DIS3L2: variants seen among roughly 807,000 people sequenced by gnomAD.
DIS3L2 encodes the protein DIS3 like 3'-5' exoribonuclease 2.
DIS3L2 carries 34 observed loss-of-function variants against 97.5 expected under a neutral mutation model. That is an observed-to-expected ratio of 0.35 (90% CI 0.27 to 0.46). The LOEUF (loss-of-function observed/expected upper bound fraction) is 0.46, where lower values mean the gene tolerates loss of function less well. DIS3L2 is among the 20% of genes least tolerant of loss of function. DIS3L2 has a pLI of 1.00. For synonymous variants in DIS3L2, 435 were observed against 445.2 expected, an observed-to-expected ratio of 0.98 and a Z score of 0.29; for missense variants, 1,038 against 1,146.0, an observed-to-expected ratio of 0.91 and a Z score of 1.36.
At chr2:232,196,494 T>C (rs1396412351) in intron 9 of DIS3L2, among the ~76,000 whole-genome samples, 1 of 152,144 alleles carries the variant, frequency 6.6e-6, no homozygotes, top group Non-Finnish European at 1.5e-5. Flanking sequence ...ATAAAAAACA[T>C]TCATTTTGAG....
At chr2:232,104,983 A>G (rs998490325) in intron 6 of DIS3L2, among the ~76,000 whole-genome samples, 1 of 151,940 alleles carries the variant, frequency 6.6e-6, no homozygotes, top group African/African-American at 2.4e-5. Flanking sequence ...ACACCCAGCT[A>G]ATTTTTGTAT....
At chr2:231,978,586 GATTTCCT>G (rs1307513871) in intron 1 of DIS3L2, 5 of 152,216 alleles carry the variant, frequency 3.3e-5, no homozygotes, top group Non-Finnish European at 5.9e-5. Flanking sequence ...AAAAGAGAAT[GATTTCCT>G]AGTGGATAAA....
At position 231,962,274 on chromosome 2, in the gene DIS3L2, GTT is replaced by G. The variant is rs35388218; in HGVS notation, c.-94+519_-94+520del. On this transcript the variant is annotated intron_variant, in intron 1 of 20. Transcript: ENST00000325385. ...TTATCTCCTTTATTGATCATAGAGA[GTT>G]TTTTTTTTTAATAAACTTTTAGATA... is the stretch of plus-strand genomic sequence containing the variant. 3.4e-3 allele frequency among the ~76,000 whole-genome samples: 507 copies of G among 148,836 alleles called. 2 individuals carry two copies. The highest frequency in any genetic ancestry group is 5.4e-3 in the Non-Finnish European group (365 of 67,110).
chr2:232,094,908 C>A (rs1280192307), intron 6 of DIS3L2, among the ~76,000 whole-genome samples: 1 of 151,820 alleles, frequency 6.6e-6, no homozygotes, highest in Admixed American at 6.6e-5. Context: ...ATATAGTGAT[C>A]TTCTTTTTCT....
intron 8 of DIS3L2, among the ~76,000 whole-genome samples, chr2:232,155,809 T>G (rs541459800): frequency 6.6e-6 from 1 of 152,068 alleles, no homozygotes; most frequent in South Asian, 2.1e-4. Flanking sequence ...GCTAACATGG[T>G]GAAACCCCGT....
chr2:232,290,693 C>A (rs1202164646), intron 13 of DIS3L2, among the ~76,000 whole-genome samples: 2 of 152,190 alleles, frequency 1.3e-5, no homozygotes, highest in African/African-American at 4.8e-5. Context: ...GAGAACAGAG[C>A]AAGCCTCTGG....
chr2:232,028,189 C>T (rs997221681), intron 4 of DIS3L2, among the ~76,000 whole-genome samples: 1 of 152,126 alleles, frequency 6.6e-6, no homozygotes, highest in Non-Finnish European at 1.5e-5. Context: ...CCTCCCAATT[C>T]CATTATTTTT....
rs1351261587 is a variant in DIS3L2, at chr2:232,262,614, G to GC, written c.1426-588dup. ...TGAACATTTTATAATATACAGTTCAGCCCCCTGGCCAACAAGGAATTATTC... is the reference window on the plus strand; with the variant it reads ...TGAACATTTTATAATATACAGTTCAGCCCCCCTGGCCAACAAGGAATTATTC... On this transcript the variant is annotated intron_variant, in intron 12 of 20. Coordinates refer to ENST00000325385, the MANE Select transcript of DIS3L2 (RefSeq NM_152383.5). Among the ~76,000 whole-genome samples the GC allele has an allele frequency of 5.3e-5, 8 of 152,310 alleles. No individual in the cohort carries two copies. The South Asian group carries it at 1.0e-3, about 20-fold the overall frequency.
At chr2:232,164,065 T>G (rs1340207271) in intron 9 of DIS3L2, among the ~76,000 whole-genome samples, 1 of 152,164 alleles carries the variant, frequency 6.6e-6, no homozygotes, top group Admixed American at 6.5e-5. Context: ...ACTGTCAGCC[T>G]TTTACAGAAA....
At chr2:232,085,857 A>C (rs1006131901) in intron 5 of DIS3L2, among the ~76,000 whole-genome samples, 7 of 152,026 alleles carry the variant, frequency 4.6e-5, no homozygotes, top group African/African-American at 1.4e-4. Flanking sequence ...CCCAGGCTGG[A>C]GTGCTGTGGC....
At chr2:232,085,770 A>T (rs1696559271) in intron 5 of DIS3L2, among the ~76,000 whole-genome samples, 2 of 152,152 alleles carry the variant, frequency 1.3e-5, no homozygotes, top group East Asian at 1.9e-4. Context: ...ACAAACTCAT[A>T]AAATGGATTA....
At chr2:232,154,454 AC>A (rs1181731913) in intron 8 of DIS3L2, among the ~76,000 whole-genome samples, 7 of 24,530 alleles carry the variant, frequency 2.9e-4, no homozygotes, top group African/African-American at 1.0e-3. Flanking sequence ...CTGTTGGAAT[AC>A]CCTGCCGTGT....
intron 9 of DIS3L2, among the ~76,000 whole-genome samples, chr2:232,181,882 C>A: frequency 6.6e-6 from 1 of 152,048 alleles, no homozygotes; most frequent in East Asian, 1.9e-4. Flanking sequence ...GAGCGCCTGA[C>A]CTCAGGTGAT....
chr2:232,271,963 T>A (rs1694017321), intron 13 of DIS3L2, among the ~76,000 whole-genome samples: 2 of 152,330 alleles, frequency 1.3e-5, no homozygotes, highest in African/African-American at 4.8e-5. Flanking sequence ...GACCTAATTA[T>A]ATATAAGCAA....
intron 5 of DIS3L2, among the ~76,000 whole-genome samples, chr2:232,069,107 G>T (rs980639175): frequency 2.6e-5 from 4 of 152,122 alleles, no homozygotes; most frequent in African/African-American, 9.7e-5. Flanking sequence ...GTGAGCCACC[G>T]AGTCTGGCCT....
chr2:231,993,112 C>T (rs1247950839), intron 1 of DIS3L2, among the ~76,000 whole-genome samples: 1 of 152,232 alleles, frequency 6.6e-6, no homozygotes, highest in Non-Finnish European at 1.5e-5. Flanking sequence ...TTGCAGTCAC[C>T]TCAAACTCAG....
At chr2:232,000,070 A>G (rs921811625) in intron 1 of DIS3L2, among the ~76,000 whole-genome samples, 4 of 152,302 alleles carry the variant, frequency 2.6e-5, no homozygotes, top group African/African-American at 9.6e-5. Context: ...GGTCCCTTAT[A>G]TAAAATGGCA....
intron 8 of DIS3L2, among the ~76,000 whole-genome samples, chr2:232,141,936 A>G (rs748145530): frequency 3.3e-5 from 5 of 152,234 alleles, no homozygotes; most frequent in Non-Finnish European, 5.9e-5. Flanking sequence ...AAATTAAACC[A>G]TGACTAGATT....
At chr2:232,117,240 G>C (rs1321546588) in intron 6 of DIS3L2, among the ~76,000 whole-genome samples, 2 of 152,130 alleles carry the variant, frequency 1.3e-5, no homozygotes, top group African/African-American at 2.4e-5. Context: ...TCTCCATCAG[G>C]GAAGGGGGAT....
Sources: allele counts gnomAD v4.1 joint callset (sites outside exome capture counted in the v4.1 genomes callset), GRCh38; gene constraint gnomAD v4.1.1; transcripts MANE v1.5; gene names NCBI Gene and HGNC (gene_info 2026-07-23, HGNC 2026-07-21).